The following SCFD1 variants were observed in gnomAD, a reference collection of about 807,000 sequenced individuals.
SCFD1 encodes sec1 family domain-containing protein 1.
SCFD1 carries 37 observed loss-of-function variants against 103.2 expected under a neutral mutation model. The observed-to-expected ratio is 0.36, with a 90% CI of 0.28 to 0.47. SCFD1 has a LOEUF of 0.47. Ranked by LOEUF, SCFD1 falls within the 20% of genes least tolerant of loss-of-function variation. SCFD1 has a pLI of 1.00. For synonymous variants in SCFD1, 264 were observed against 245.0 expected, an observed-to-expected ratio of 1.08 and a Z score of -0.73; for missense variants, 639 against 761.2, an observed-to-expected ratio of 0.84 and a Z score of 1.89.
At chr14:30,640,811 T>C (rs1566585993) in intron 6 of SCFD1, among the ~76,000 whole-genome samples, 1 of 152,178 alleles carries the variant, frequency 6.6e-6, no homozygotes. Context: ...TAAAATTTGC[T>C]AAATATTCGT....
Position 30,650,634 on chromosome 14 carries a change from G to A in SCFD1, c.739G>A (p.Gly247Arg), listed in dbSNP as rs762001022. The A allele has an allele frequency of 1.1e-5, 18 of 1,599,412 alleles. No homozygotes were observed. In the South Asian group the frequency reaches 1.9e-4, roughly 17 times the overall value. Reference protein sequence around the residue: ...RNSLFTGDTLGAGQFSFQRPL... With the variant: ...RNSLFTGDTLRAGQFSFQRPL... ...CAGTCTTTTTACAGGTGATACACTT[G>A]GAGCTGGCCAATTCAGGTATTACTG... is the stretch of plus-strand genomic sequence containing the variant. The change falls in exon 9 of 25, where the codon GGA becomes AGA. Residue 247 changes from glycine (G) to arginine (R), a missense_variant. Physicochemically the swap from Gly to Arg is moderately radical, Grantham distance 125 (BLOSUM62 -2). Coordinates refer to ENST00000458591, the MANE Select transcript of SCFD1 (RefSeq NM_016106.4).
intron 6 of SCFD1, among the ~76,000 whole-genome samples, chr14:30,641,688 G>A (rs1477588479): frequency 6.6e-6 from 1 of 151,984 alleles, no homozygotes; most frequent in East Asian, 1.9e-4. Context: ...CAACACCTGA[G>A]TAATGGCCCA....
chr14:30,726,551 A>C (rs1267995335), intron 23 of SCFD1, among the ~76,000 whole-genome samples: 1 of 150,116 alleles, frequency 6.7e-6, no homozygotes, highest in Non-Finnish European at 1.5e-5. Flanking sequence ...TATATACCAA[A>C]ATGTTGTAAT....
chr14:30,721,965 G>A, intron 22 of SCFD1, 48 bp downstream of exon 22: 2 of 1,387,282 alleles, frequency 1.4e-6, no homozygotes, highest in South Asian at 1.2e-5. Flanking sequence ...GAAGATGAAA[G>A]GTGACCAATC....
At chr14:30,716,721 AGAGT>A (rs574339895) in intron 20 of SCFD1, among the ~76,000 whole-genome samples, 2 of 152,200 alleles carry the variant, frequency 1.3e-5, no homozygotes, top group African/African-American at 4.8e-5. Context: ...ATTCTAAGAA[AGAGT>A]GAGAACAGTG....
At chr14:30,724,096 A>AG (rs1261796894) in intron 23 of SCFD1, among the ~76,000 whole-genome samples, 1 of 144,386 alleles carries the variant, frequency 6.9e-6, no homozygotes, top group African/African-American at 2.5e-5. Context: ...AAAAAAAAAA[A>AG]GGCTGACTGG....
chr14:30,699,593 T>C (rs1262842182), intron 15 of SCFD1, among the ~76,000 whole-genome samples: 1 of 152,242 alleles, frequency 6.6e-6, no homozygotes, highest in Non-Finnish European at 1.5e-5. Context: ...TTCTATGTGA[T>C]ATAACAATTT....
intron 20 of SCFD1, among the ~76,000 whole-genome samples, chr14:30,718,600 C>T (rs1488928278): frequency 6.6e-6 from 1 of 152,224 alleles, no homozygotes; most frequent in African/African-American, 2.4e-5. Flanking sequence ...GCAAAGTATA[C>T]TAAGTTAGAC....
At chr14:30,633,860 T>C (rs1409228925) in intron 3 of SCFD1, 87 bp from the exon 4 acceptor site, 3 of 671,626 alleles carry the variant, frequency 4.5e-6, no homozygotes, top group Admixed American at 5.5e-5. Flanking sequence ...CTGGTTACTG[T>C]CCTTGAGCTA....
chr14:30,669,499 A>G (rs765488585), intron 10 of SCFD1, among the ~76,000 whole-genome samples: 17 of 151,948 alleles, frequency 1.1e-4, no homozygotes, highest in South Asian at 2.1e-4. Context: ...ATTTTTGCCT[A>G]ATGGTTTTTG....
intron 3 of SCFD1, among the ~76,000 whole-genome samples, chr14:30,632,130 G>C (rs1884233327): frequency 6.7e-6 from 1 of 148,716 alleles, no homozygotes; most frequent in Non-Finnish European, 1.5e-5. Flanking sequence ...TATACTAAAA[G>C]AGTCCAATTT....
chr14:30,700,061 A>T, intron 15 of SCFD1, 127 bp from the exon 16 acceptor site: 1 of 659,906 alleles, frequency 1.5e-6, no homozygotes, highest in Non-Finnish European at 2.6e-6. Context: ...TACCTTAGTT[A>T]AATCAAGAGC....
chr14:30,665,723 A>G (rs1887893669), intron 10 of SCFD1, among the ~76,000 whole-genome samples: 1 of 152,184 alleles, frequency 6.6e-6, no homozygotes, highest in African/African-American at 2.4e-5. Context: ...GGAAAGCAAA[A>G]AAAAGCAGGG....
At chr14:30,706,728 C>T (rs1891494873) in intron 18 of SCFD1, among the ~76,000 whole-genome samples, 1 of 152,174 alleles carries the variant, frequency 6.6e-6, no homozygotes, top group South Asian at 2.1e-4. Flanking sequence ...TGGTACCATA[C>T]AGTTTCCAAT....
chr14:30,707,778 GT>G, intron 18 of SCFD1: 1 of 610,244 alleles, frequency 1.6e-6, no homozygotes, highest in Middle Eastern at 2.6e-4. Context: ...ACTAATCAGA[GT>G]ATTTTAATTA....
chr14:30,734,915 T>C, intron 24 of SCFD1, 57 bp downstream of exon 24: 1 of 1,388,710 alleles, frequency 7.2e-7, no homozygotes, highest in Non-Finnish European at 1.0e-6. Flanking sequence ...GCTATTGGTA[T>C]TTTTCAAAAG....
chr14:30,704,421 A>C (rs1891327184), intron 17 of SCFD1, among the ~76,000 whole-genome samples: 1 of 152,204 alleles, frequency 6.6e-6, no homozygotes, highest in African/African-American at 2.4e-5. Context: ...ATGCCAGTTC[A>C]TGGAAGTATT....
At chr14:30,630,180 C>T (rs758326080) in intron 2 of SCFD1, among the ~76,000 whole-genome samples, 1 of 152,002 alleles carries the variant, frequency 6.6e-6, no homozygotes, top group Non-Finnish European at 1.5e-5. Context: ...AGTAGTAATG[C>T]TTTAAGAACG....
At chr14:30,664,431 A>C (rs757663163) in intron 10 of SCFD1, among the ~76,000 whole-genome samples, 15 of 152,316 alleles carry the variant, frequency 9.8e-5, no homozygotes, top group Non-Finnish European at 1.8e-4. Context: ...ATAAAACCAC[A>C]AAGATTGGGA....
Sources: allele counts gnomAD v4.1 joint callset (sites outside exome capture counted in the v4.1 genomes callset), GRCh38; gene constraint gnomAD v4.1.1; transcripts MANE v1.5; gene names NCBI Gene and HGNC (gene_info 2026-07-23, HGNC 2026-07-21).